The following PDE3A variants were observed in gnomAD, a reference collection of about 807,000 sequenced individuals.
The protein encoded by PDE3A is cGMP-inhibited 3',5'-cyclic phosphodiesterase 3A.
A neutral mutation model predicts 98.3 loss-of-function variants in PDE3A; 43 were observed. The ratio of observed to expected loss-of-function variants is 0.44; its 90% confidence interval spans 0.34 to 0.56. The LOEUF is 0.56. PDE3A is among the 20% of genes least tolerant of loss of function. The pLI is 0.01. For missense variants in PDE3A, 1,427 were observed against 1,440.7 expected (o/e 0.99, Z 0.15); for synonymous variants, 663 against 567.9 (o/e 1.17, Z -2.38).
chr12:20,445,041 A>G (rs1187819795), intron 1 of PDE3A, among the ~76,000 whole-genome samples: 1 of 152,188 alleles, frequency 6.6e-6, no homozygotes, highest in Non-Finnish European at 1.5e-5. Flanking sequence ...CATCAAATCC[A>G]TCGCCACTGC....
chr12:20,504,307 T>A (rs1946076402), intron 1 of PDE3A, among the ~76,000 whole-genome samples: 1 of 152,046 alleles, frequency 6.6e-6, no homozygotes, highest in Non-Finnish European at 1.5e-5. Context: ...ACAGAGAGCA[T>A]GTCTTAGTTT....
intron 1 of PDE3A, among the ~76,000 whole-genome samples, chr12:20,488,675 C>A (rs1945773423): frequency 6.6e-6 from 1 of 151,878 alleles, no homozygotes; most frequent in African/African-American, 2.4e-5. Context: ...ACAACAACAA[C>A]AACAAAAACA....
rs148506400 is a variant in PDE3A, at chr12:20,532,124, T to C, written c.961-24536T>C. 9.3e-3 allele frequency among the ~76,000 whole-genome samples: 1,418 copies of C among 152,230 alleles called. 9 individuals carry two copies. Among genetic ancestry groups the C allele is most frequent in the Middle Eastern group, 0.017 (5 of 294 alleles). ...AGTTTGTGCTTATTTACTAATATGT[T>C]CTCTGAATGCAAAGTAAGTATACAT... On this transcript the variant is annotated intron_variant, in intron 1 of 15. Transcript: ENST00000359062.
chr12:20,500,468 G>A (rs1181357778), intron 1 of PDE3A, among the ~76,000 whole-genome samples: 1 of 152,054 alleles, frequency 6.6e-6, no homozygotes, highest in Non-Finnish European at 1.5e-5. Context: ...CTATATTACT[G>A]AAAAACAGTT....
intron 2 of PDE3A, among the ~76,000 whole-genome samples, chr12:20,570,439 G>A (rs1162933828): frequency 5.6e-5 from 4 of 71,736 alleles, no homozygotes; most frequent in South Asian, 4.3e-4. Flanking sequence ...AAAAAAAAAA[G>A]GTGTAAAGGG....
chr12:20,394,407 A>C (rs1389228759), intron 1 of PDE3A, among the ~76,000 whole-genome samples: 1 of 152,048 alleles, frequency 6.6e-6, no homozygotes, highest in Admixed American at 6.6e-5. Flanking sequence ...GATGGTATAT[A>C]ATACTTTTTC....
At chr12:20,519,379 A>G (rs1217254496) in intron 1 of PDE3A, among the ~76,000 whole-genome samples, 3 of 152,170 alleles carry the variant, frequency 2.0e-5, no homozygotes, top group Non-Finnish European at 4.4e-5. Context: ...TTATGTCTAC[A>G]ATGCTTGGTA....
rs1314401788 is a variant in PDE3A, at chr12:20,688,570, A to G, written c.*8299A>G. Among the ~76,000 whole-genome samples the G allele has an allele frequency of 6.6e-6, 1 of 152,058 alleles. No individual in the cohort carries two copies. The highest frequency in any genetic ancestry group is 1.5e-5 in the Non-Finnish European group (1 of 67,982). ...AGTGAAGATAATGTATAATATAAAA[A>G]TAATTCTGCAGTATTATGATTTGTG... On this transcript the variant is annotated 3_prime_UTR_variant, in exon 16 of 16. Transcript: ENST00000359062.
At chr12:20,429,888 C>G (rs1403092132) in intron 1 of PDE3A, among the ~76,000 whole-genome samples, 3 of 151,808 alleles carry the variant, frequency 2.0e-5, no homozygotes, top group Non-Finnish European at 1.5e-5. Context: ...TTTGACATCC[C>G]TCCAGCACCC....
intron 15 of PDE3A, among the ~76,000 whole-genome samples, chr12:20,674,452 T>C (rs984846461): frequency 3.3e-5 from 5 of 152,168 alleles, no homozygotes; most frequent in Non-Finnish European, 5.9e-5. Flanking sequence ...GTGTTTATTA[T>C]GTTGAGGCAT....
At chr12:20,411,477 GT>G (rs1184245192) in intron 1 of PDE3A, among the ~76,000 whole-genome samples, 1 of 151,786 alleles carries the variant, frequency 6.6e-6, no homozygotes, top group Non-Finnish European at 1.5e-5. Flanking sequence ...ATGTGTCAGA[GT>G]TTTGACATTT....
In PDE3A at chr12:20,369,600, G is replaced by A. The variant is rs750993127; in HGVS notation, c.316G>A (p.Gly106Arg). ...AAAEEEEAAP[G>R]AEGGVFPGPR... ...GGCGGAGGAGGAGGAAGCAGCCCCGGGAGCAGAAGGGGGCGTCTTCCCGGG... is the reference window on the plus strand; with the variant it reads ...GGCGGAGGAGGAGGAAGCAGCCCCGAGAGCAGAAGGGGGCGTCTTCCCGGG... Residue 106 changes from glycine to arginine, a missense_variant, in exon 1 of 16, where the codon GGA (glycine) becomes AGA (arginine). Gly to Arg is a moderately radical substitution (Grantham distance 125). Coordinates refer to ENST00000359062, the MANE Select transcript of PDE3A (RefSeq NM_000921.5). The A allele has an allele frequency of 3.2e-6, 5 of 1,566,438 alleles. No homozygotes were observed. The highest frequency in any genetic ancestry group is 4.3e-6 in the Non-Finnish European group (5 of 1,156,714).
At chr12:20,446,738 C>T (rs118130343) in intron 1 of PDE3A, among the ~76,000 whole-genome samples, 7,547 of 152,118 alleles carry the variant, frequency 0.05, 260 homozygotes, top group Non-Finnish European at 0.073. Context: ...GGAATAAATG[C>T]CGTGAAGAAA....
At chr12:20,379,498 C>T (rs528991025) in intron 1 of PDE3A, among the ~76,000 whole-genome samples, 1 of 151,856 alleles carries the variant, frequency 6.6e-6, no homozygotes, top group African/African-American at 2.4e-5. Flanking sequence ...CAGATTAAGA[C>T]AATTTTTATT....
intron 2 of PDE3A, among the ~76,000 whole-genome samples, chr12:20,594,532 C>CTT (rs747101272): frequency 3.7e-5 from 5 of 134,198 alleles, no homozygotes; most frequent in Admixed American, 7.4e-5. Flanking sequence ...TAATTAGGGG[C>CTT]TTTTTTTTTT....
At chr12:20,456,632 T>C (rs1310519160) in intron 1 of PDE3A, among the ~76,000 whole-genome samples, 3 of 152,134 alleles carry the variant, frequency 2.0e-5, no homozygotes, top group Non-Finnish European at 4.4e-5. Flanking sequence ...TAAAGAATTA[T>C]TACCAAAAAT....
chr12:20,408,846 T>G lies in PDE3A; in HGVS notation c.960+38602T>G, dbSNP rs147396585. Reference sequence around the variant, plus strand: ...ATAATATTAAGCTCTGTGACAACATTAATTATGTGTACATATATTATTTCG... The same window carrying G: ...ATAATATTAAGCTCTGTGACAACATGAATTATGTGTACATATATTATTTCG... On this transcript the variant is annotated intron_variant, in intron 1 of 15. Coordinates refer to ENST00000359062, the MANE Select transcript of PDE3A (RefSeq NM_000921.5). Among the ~76,000 whole-genome samples the G allele has an allele frequency of 5.3e-5, 8 of 152,308 alleles. No homozygotes were observed. The East Asian group carries it at 9.7e-4, about 18-fold the overall frequency.
chr12:20,667,725 C>T (rs775311565), intron 15 of PDE3A, among the ~76,000 whole-genome samples: 1 of 152,080 alleles, frequency 6.6e-6, no homozygotes, highest in East Asian at 1.9e-4. Flanking sequence ...TTGTTCTTTT[C>T]GTTCAGGATT....
chr12:20,639,878 C>G lies in PDE3A; in HGVS notation c.2172C>G (p.Leu724=), dbSNP rs138359943. Residue 724 remains leucine, a synonymous_variant, in exon 10 of 16, where the codon CTC becomes CTG. Coordinates refer to ENST00000359062, the MANE Select transcript of PDE3A (RefSeq NM_000921.5). ...ACAGACTTTTTGAAGACATGGGCCT[C>G]TTTGAAGCTTTTAAAATTCCAATTA... ...VSYRLFEDMG[L]FEAFKIPIRE... 7 of 1,584,998 alleles carry G rather than the reference C, an allele frequency of 4.4e-6. No individual in the cohort carries two copies. The highest frequency in any genetic ancestry group is 6.1e-6 in the Non-Finnish European group (7 of 1,154,326).
Sources: gnomAD v4.1 joint callset for allele counts (sites outside exome capture counted in the v4.1 genomes callset) on GRCh38, gnomAD v4.1.1 for gene constraint, MANE v1.5 for transcripts, NCBI Gene and HGNC (gene_info 2026-07-23, HGNC 2026-07-21) for gene names.